The following SLC35F4 variants were observed in gnomAD, a reference collection of about 807,000 sequenced individuals.
SLC35F4 encodes solute carrier family 35 member F4.
In SLC35F4, 24 loss-of-function variants were observed where a neutral mutation model predicts 44.2. That is an observed-to-expected ratio of 0.54 (90% CI 0.39 to 0.76). The LOEUF is 0.76. Among genes scored for constraint, SLC35F4 ranks in the 30% least tolerant of loss-of-function variants. The pLI, the probability that SLC35F4 is intolerant of heterozygous loss-of-function variation, is 0.00. For synonymous variants in SLC35F4, 238 were observed against 223.6 expected, an observed-to-expected ratio of 1.06 and a Z score of -0.57; for missense variants, 562 against 586.1, an observed-to-expected ratio of 0.96 and a Z score of 0.42.
At chr14:57,630,669 C>A in intron 1 of SLC35F4, 1 of 664,574 alleles carries the variant, frequency 1.5e-6, no homozygotes, top group South Asian at 1.5e-5. Flanking sequence ...TTGGACTAGT[C>A]CTATGCTCAG....
At chr14:57,629,902 C>T in intron 1 of SLC35F4, 1 of 447,042 alleles carries the variant, frequency 2.2e-6, no homozygotes, top group South Asian at 1.7e-5. Context: ...ACACCACCAC[C>T]ATGTCCTGCT....
chr14:57,661,041 T>G (rs1248377068), intron 1 of SLC35F4, among the ~76,000 whole-genome samples: 3 of 152,190 alleles, frequency 2.0e-5, no homozygotes, highest in African/African-American at 7.2e-5. Flanking sequence ...TAGGTGAACT[T>G]AGACAATAGT....
At chr14:57,875,869 C>G (rs1888390234) in intron 1 of SLC35F4, among the ~76,000 whole-genome samples, 1 of 152,174 alleles carries the variant, frequency 6.6e-6, no homozygotes, top group Non-Finnish European at 1.5e-5. Flanking sequence ...AAATCAATGC[C>G]AATGTTGTTA....
intron 1 of SLC35F4, among the ~76,000 whole-genome samples, chr14:57,828,301 T>G (rs1368653296): frequency 6.6e-6 from 1 of 152,100 alleles, no homozygotes; most frequent in Non-Finnish European, 1.5e-5. Context: ...ATGATGAAAA[T>G]GTTCTCTCAG....
chr14:57,964,989 A>ATAT (rs1351434287), intron 1 of SLC35F4, among the ~76,000 whole-genome samples: 1,302 of 127,628 alleles, frequency 0.01, 5 homozygotes, highest in African/African-American at 0.013. Context: ...AAAAAAAAAA[A>ATAT]AAATATATAT....
At chr14:57,649,620 A>G (rs2346987) in intron 1 of SLC35F4, among the ~76,000 whole-genome samples, 72,711 of 151,984 alleles carry the variant, frequency 0.48, 17,877 homozygotes, top group East Asian at 0.71. Context: ...CCAATGTGGC[A>G]TCTCTGAGGG....
chr14:57,853,527 C>T (rs1223206530), intron 1 of SLC35F4, among the ~76,000 whole-genome samples: 4 of 152,138 alleles, frequency 2.6e-5, no homozygotes, highest in Admixed American at 6.5e-5. Flanking sequence ...TGCTCCAAAC[C>T]GCCACCATCA....
intron 1 of SLC35F4, among the ~76,000 whole-genome samples, chr14:57,696,611 G>A (rs1193199416): frequency 6.6e-6 from 1 of 152,200 alleles, no homozygotes; most frequent in Non-Finnish European, 1.5e-5. Context: ...AAAGACACAT[G>A]CACATGTATG....
intron 1 of SLC35F4, among the ~76,000 whole-genome samples, chr14:57,704,925 G>C (rs1236475807): frequency 2.0e-5 from 3 of 152,130 alleles, no homozygotes; most frequent in Non-Finnish European, 4.4e-5. Flanking sequence ...AGTCAGAAGT[G>C]CTCCTGAGTC....
At chr14:57,746,556 T>C (rs1452653796) in intron 1 of SLC35F4, among the ~76,000 whole-genome samples, 1 of 152,188 alleles carries the variant, frequency 6.6e-6, no homozygotes, top group Non-Finnish European at 1.5e-5. Context: ...TTTGGTAATA[T>C]ATTTATTTTT....
At chr14:57,740,960 A>G (rs775554451) in intron 1 of SLC35F4, among the ~76,000 whole-genome samples, 1 of 152,174 alleles carries the variant, frequency 6.6e-6, no homozygotes, top group Non-Finnish European at 1.5e-5. Flanking sequence ...GGTGATACCC[A>G]GGCAAACAGG....
chr14:57,659,405 A>G (rs1016658901), intron 1 of SLC35F4, among the ~76,000 whole-genome samples: 8 of 152,184 alleles, frequency 5.3e-5, no homozygotes, highest in Non-Finnish European at 1.0e-4. Context: ...AAGTTCCTAC[A>G]ATGAACTAGT....
intron 1 of SLC35F4, among the ~76,000 whole-genome samples, chr14:57,781,233 C>G (rs1286052285): frequency 6.6e-6 from 1 of 151,910 alleles, no homozygotes; most frequent in African/African-American, 2.4e-5. Context: ...AAAAAACCCA[C>G]TATATTAAAA....
intron 1 of SLC35F4, among the ~76,000 whole-genome samples, chr14:57,699,716 A>G (rs2075483722): frequency 6.6e-6 from 1 of 152,252 alleles, no homozygotes. Flanking sequence ...CTATTTCCTT[A>G]TAGTAAACAA....
chr14:57,975,727 C>G (rs574044651), downstream of SLC35F4, among the ~76,000 whole-genome samples: 1 of 152,156 alleles, frequency 6.6e-6, no homozygotes, highest in Non-Finnish European at 1.5e-5. Flanking sequence ...GAGAGGAGCC[C>G]TAAAATATTT....
At chr14:57,772,963 A>C (rs1245876972) in intron 1 of SLC35F4, among the ~76,000 whole-genome samples, 1 of 152,222 alleles carries the variant, frequency 6.6e-6, no homozygotes, top group African/African-American at 2.4e-5. Flanking sequence ...ACAAATTTAC[A>C]TTCCACCAAC....
At chr14:57,569,751 A>T (rs773921170) in intron 6 of SLC35F4, 37 bp downstream of exon 6, 1 of 1,532,884 alleles carries the variant, frequency 6.5e-7, no homozygotes, top group Non-Finnish European at 8.7e-7. Flanking sequence ...AGAAAGATTG[A>T]TATAGGGAAT....
chr14:57,619,096 G>C (rs1359695401), intron 1 of SLC35F4, among the ~76,000 whole-genome samples: 2 of 152,106 alleles, frequency 1.3e-5, no homozygotes, highest in Non-Finnish European at 2.9e-5. Context: ...CTAGGGAAAG[G>C]GGCAACTGTG....
chr14:57,917,621 GGGGGT>G (rs1193136851), intron 1 of SLC35F4, among the ~76,000 whole-genome samples: 2 of 152,100 alleles, frequency 1.3e-5, no homozygotes, highest in African/African-American at 4.8e-5. Context: ...GTGGTAATGT[GGGGGT>G]GGGGTGGGGA....
Sources: allele counts gnomAD v4.1 joint callset (sites outside exome capture counted in the v4.1 genomes callset), GRCh38; gene constraint gnomAD v4.1.1; transcripts MANE v1.5; gene names NCBI Gene and HGNC (gene_info 2026-07-23, HGNC 2026-07-21).